The following RIN2 variants were observed in gnomAD, a reference collection of about 807,000 sequenced individuals.
The protein encoded by RIN2 is Ras and Rab interactor 2, also known as RAB5 interacting protein 2.
RIN2 carries 36 observed loss-of-function variants against 78.0 expected under a neutral mutation model. The ratio of observed to expected loss-of-function variants is 0.46; its 90% CI spans 0.35 to 0.61. The LOEUF is 0.61. Ranked by LOEUF, RIN2 falls within the 20% of genes least tolerant of loss-of-function variation. RIN2 has a pLI of 0.00. For synonymous variants in RIN2, 466 were observed against 466.8 expected (o/e 1.00, Z 0.02); for missense variants, 1,087 against 1,159.7 (o/e 0.94, Z 0.91).
intron 8 of RIN2, among the ~76,000 whole-genome samples, chr20:19,974,392 G>A (rs2042200327): frequency 6.6e-6 from 1 of 152,280 alleles, no homozygotes; most frequent in South Asian, 2.1e-4. Context: ...AAAAGGCAGG[G>A]CTGGAATCCT....
chr20:19,794,420 G>A (rs1450165053), intron 1 of RIN2, among the ~76,000 whole-genome samples: 3 of 151,934 alleles, frequency 2.0e-5, no homozygotes, highest in African/African-American at 4.8e-5. Context: ...GCCAGGTGAG[G>A]TGGCGGGAGG....
chr20:19,924,077 C>T (rs1268710843), intron 3 of RIN2, among the ~76,000 whole-genome samples: 1 of 127,708 alleles, frequency 7.8e-6, no homozygotes, highest in Non-Finnish European at 1.7e-5. Context: ...CTTTCATACC[C>T]CCACCTTCAT....
intron 5 of RIN2, among the ~76,000 whole-genome samples, chr20:19,957,436 G>A (rs1426807879): frequency 6.6e-6 from 1 of 152,192 alleles, no homozygotes; most frequent in Non-Finnish European, 1.5e-5. Context: ...CAGCACTTTG[G>A]GAGGCCAAGA....
At chr20:19,934,479 C>T in intron 3 of RIN2, 1 of 985,220 alleles carries the variant, frequency 1.0e-6, no homozygotes, top group Non-Finnish European at 1.2e-6. Flanking sequence ...CCCTAGATGG[C>T]CCTGGGGCCC....
chr20:19,889,311 T>G, intron 2 of RIN2: 1 of 1,181,722 alleles, frequency 8.5e-7, no homozygotes, highest in Non-Finnish European at 1.1e-6. Flanking sequence ...TCATTAGGCT[T>G]CCTGAAGTCC....
intron 8 of RIN2, among the ~76,000 whole-genome samples, chr20:19,971,967 C>T (rs1328557984): frequency 6.6e-6 from 1 of 152,124 alleles, no homozygotes; most frequent in African/African-American, 2.4e-5. Flanking sequence ...GTCTCGAAAT[C>T]CTGACTTTTG....
At chr20:19,844,608 TC>T (rs2036688602) in intron 2 of RIN2, among the ~76,000 whole-genome samples, 1 of 37,422 alleles carries the variant, frequency 2.7e-5, no homozygotes, top group East Asian at 1.2e-3. Flanking sequence ...TTCCTCTTCT[TC>T]TTCTTCTTCT....
At chr20:19,860,883 A>G (rs1266460250) in intron 2 of RIN2, among the ~76,000 whole-genome samples, 2 of 152,246 alleles carry the variant, frequency 1.3e-5, no homozygotes, top group Non-Finnish European at 2.9e-5. Context: ...GTGAACGAAG[A>G]AAAAAGCCAT....
intron 1 of RIN2, among the ~76,000 whole-genome samples, chr20:19,774,986 C>T (rs974357836): frequency 8.5e-5 from 13 of 152,146 alleles, no homozygotes; most frequent in Admixed American, 2.0e-4. Context: ...TTACTGACCA[C>T]CCACATTCAT....
At chr20:19,952,400 T>C (rs2041356176) in intron 4 of RIN2, among the ~76,000 whole-genome samples, 1 of 152,208 alleles carries the variant, frequency 6.6e-6, no homozygotes, top group Non-Finnish European at 1.5e-5. Flanking sequence ...TGTTCTCACA[T>C]TAGTTTTTTC....
chr20:19,915,157 G>A (rs1362235300), intron 3 of RIN2, among the ~76,000 whole-genome samples: 2 of 152,166 alleles, frequency 1.3e-5, no homozygotes, highest in African/African-American at 2.4e-5. Context: ...GACAGAATAC[G>A]AATGCAAGTA....
chr20:19,862,984 TC>T (rs2037393118), intron 2 of RIN2, among the ~76,000 whole-genome samples: 1 of 152,236 alleles, frequency 6.6e-6, no homozygotes, highest in South Asian at 2.1e-4. Context: ...CTTGGCATCA[TC>T]TACTTTTCTC....
At chr20:19,921,957 C>A (rs964482340) in intron 3 of RIN2, among the ~76,000 whole-genome samples, 3 of 152,204 alleles carry the variant, frequency 2.0e-5, no homozygotes, top group African/African-American at 7.2e-5. Context: ...CCTCTGCCTC[C>A]TGGGTTCAAG....
At chr20:19,765,561 C>T (rs2033849087) in intron 1 of RIN2, among the ~76,000 whole-genome samples, 1 of 152,200 alleles carries the variant, frequency 6.6e-6, no homozygotes, top group Non-Finnish European at 1.5e-5. Flanking sequence ...GATACTTACA[C>T]AGACTGGGAA....
intron 10 of RIN2, 97 bp from the exon 11 acceptor site, chr20:19,992,071 A>G: frequency 7.1e-7 from 1 of 1,414,162 alleles, no homozygotes; most frequent in Non-Finnish European, 9.6e-7. Flanking sequence ...AGTTCCCCCC[A>G]GAGTGACTCC....
intron 9 of RIN2, among the ~76,000 whole-genome samples, chr20:19,986,110 T>C (rs6046517): frequency 0.39 from 59,481 of 151,934 alleles, 14,019 homozygotes; most frequent in East Asian, 0.71. Context: ...AGAGTAGTAA[T>C]TTATGAGAAA....
At chr20:19,909,084 A>G (rs1600764482) in intron 3 of RIN2, among the ~76,000 whole-genome samples, 1 of 152,162 alleles carries the variant, frequency 6.6e-6, no homozygotes, top group South Asian at 2.1e-4. Context: ...GGCTGGTCTC[A>G]AACTCCTGAC....
chr20:19,848,077 A>C (rs927292949), intron 2 of RIN2, among the ~76,000 whole-genome samples: 2 of 152,184 alleles, frequency 1.3e-5, no homozygotes, highest in Non-Finnish European at 2.9e-5. Context: ...GAGAAAATAA[A>C]AGCAAGGGGG....
At chr20:19,835,526 A>T (rs557738560) in intron 2 of RIN2, among the ~76,000 whole-genome samples, 4 of 152,222 alleles carry the variant, frequency 2.6e-5, no homozygotes, top group Non-Finnish European at 5.9e-5. Context: ...AGTAAACCGA[A>T]TTTCACATCA....
Sources: allele counts gnomAD v4.1 joint callset (sites outside exome capture counted in the v4.1 genomes callset), GRCh38; gene constraint gnomAD v4.1.1; transcripts MANE v1.5; gene names NCBI Gene and HGNC (gene_info 2026-07-23, HGNC 2026-07-21).